MAP4: variants seen among roughly 807,000 people sequenced by gnomAD.
MAP4 encodes the protein microtubule-associated protein 4.
A neutral mutation model predicts 170.2 loss-of-function variants in MAP4; 76 were observed. The ratio of observed to expected loss-of-function variants is 0.45; its 90% CI spans 0.37 to 0.54. MAP4 has a LOEUF of 0.54. Among genes scored for constraint, MAP4 ranks in the 20% least tolerant of loss-of-function variants. The pLI, the probability that MAP4 is intolerant of heterozygous loss-of-function variation, is 0.00. For synonymous variants in MAP4, 909 were observed against 994.5 expected, an observed-to-expected ratio of 0.91 and a Z score of 1.62; for missense variants, 2,506 against 2,748.0, an observed-to-expected ratio of 0.91 and a Z score of 1.97.
intron 17 of MAP4, among the ~76,000 whole-genome samples, chr3:47,857,836 G>A (rs1189124579): frequency 1.3e-5 from 2 of 151,778 alleles, no homozygotes; most frequent in Non-Finnish European, 2.9e-5. Context: ...AGCCTCCCGA[G>A]TAGCTGGGAT....
chr3:47,897,953 A>AGGGGG (rs1458083692), intron 10 of MAP4, among the ~76,000 whole-genome samples: 14 of 149,410 alleles, frequency 9.4e-5, no homozygotes, highest in African/African-American at 3.3e-4. Context: ...GGGGGGGGAA[A>AGGGGG]AAAAAAAAAG....
At chr3:47,929,726 C>A (rs1236994767) in intron 3 of MAP4, among the ~76,000 whole-genome samples, 6 of 145,832 alleles carry the variant, frequency 4.1e-5, no homozygotes, top group Non-Finnish European at 7.5e-5. Context: ...ATCTTTGTGA[C>A]TTTGGATTAG....
intron 10 of MAP4, chr3:47,891,189 T>A: frequency 6.5e-7 from 1 of 1,536,190 alleles, no homozygotes; most frequent in Non-Finnish European, 8.7e-7. Context: ...TCCTGCCCTT[T>A]TTCCTTGCTG....
chr3:47,994,509 G>T (rs180703093), intron 2 of MAP4, among the ~76,000 whole-genome samples: 2 of 152,192 alleles, frequency 1.3e-5, no homozygotes, highest in Admixed American at 1.3e-4. Flanking sequence ...ATCTGGGAAT[G>T]AGCCTAGGTG....
rs780753562 is a variant in MAP4 at position 47,871,010 on chromosome 3, G to A, written c.6097C>T (p.Arg2033Ter). ...TAPAAGVVPS[R>*]VKATPMPSRP... is the part of the protein sequence containing the mutation. ...GAGGGCATGGGTGTGGCCTTGACTC[G>A]GCTGGGAACCACCCCTGCAGCGGGG... The change falls in exon 15 of 21, where the codon CGA becomes TGA. Residue 2033 changes from arginine (R) to a stop codon, truncating the protein, a stop_gained. Coordinates refer to ENST00000683076, the MANE Select transcript of MAP4 (RefSeq NM_001385682.1). LOFTEE classifies it high-confidence loss of function. The A allele has an allele frequency of 1.2e-6, 2 of 1,614,114 alleles. No individual in the cohort carries two copies. Among genetic ancestry groups the A allele is most frequent in the African/African-American group, 1.3e-5 (1 of 75,054 alleles).
intron 10 of MAP4, among the ~76,000 whole-genome samples, chr3:47,896,549 AC>A (rs925145328): frequency 3.9e-5 from 6 of 152,138 alleles, no homozygotes; most frequent in Non-Finnish European, 7.3e-5. Context: ...AAACAAAAAA[AC>A]AACCAAGAAA....
chr3:47,959,607 A>T (rs1362918368), intron 3 of MAP4, among the ~76,000 whole-genome samples: 3 of 151,520 alleles, frequency 2.0e-5, no homozygotes, highest in Non-Finnish European at 2.9e-5. Flanking sequence ...ATACAAAAAG[A>T]AATTAGCCGG....
intron 10 of MAP4, among the ~76,000 whole-genome samples, chr3:47,888,131 G>T (rs2097919632): frequency 6.6e-6 from 1 of 152,152 alleles, no homozygotes; most frequent in Non-Finnish European, 1.5e-5. Context: ...TAATCTGATG[G>T]GGACACGGAG....
At chr3:47,860,320 G>A (rs1176106289) in intron 17 of MAP4, among the ~76,000 whole-genome samples, 8 of 152,202 alleles carry the variant, frequency 5.3e-5, no homozygotes, top group African/African-American at 1.9e-4. Context: ...AGCCCCTCAA[G>A]TGGCTGAGAC....
At chr3:48,006,683 C>T (rs752791627) in intron 1 of MAP4, among the ~76,000 whole-genome samples, 5 of 152,190 alleles carry the variant, frequency 3.3e-5, no homozygotes, top group African/African-American at 1.2e-4. Context: ...GGAAGGTATG[C>T]AGAGATCAGT....
chr3:47,991,193 C>G lies in MAP4; in HGVS notation c.223+7445G>C, dbSNP rs959642237. On this transcript the variant is annotated intron_variant, in intron 2 of 20. Transcript: ENST00000683076. ...CCATAAAAGCAACCCTGCTTTCTTA[C>G]TTCTCATTTTATAAGTTGAAGACAA... is the stretch of plus-strand genomic sequence containing the variant. Among the ~76,000 whole-genome samples, 3 of 152,146 alleles carry G rather than the reference C, an allele frequency of 2.0e-5. No homozygotes were observed. The East Asian group carries it at 5.8e-4, about 29-fold the overall frequency.
chr3:47,854,485 C>G (rs1238256906), intron 19 of MAP4, among the ~76,000 whole-genome samples: 2 of 152,206 alleles, frequency 1.3e-5, no homozygotes, highest in African/African-American at 2.4e-5. Context: ...CCCCTCTCCC[C>G]TGCGCACCTG....
At chr3:47,920,267 G>T (rs963643048) in intron 5 of MAP4, among the ~76,000 whole-genome samples, 5 of 136,252 alleles carry the variant, frequency 3.7e-5, no homozygotes, top group Non-Finnish European at 6.4e-5. Context: ...CACCACACTC[G>T]GCCTAATTTT....
rs934733921 is a variant in MAP4 at position 47,973,547 on chromosome 3, T to G, written c.292+4318A>C. On this transcript the variant is annotated intron_variant, in intron 3 of 20. Transcript: ENST00000683076. ...TTAGTAGAAAATTTCAACAATTCTG[T>G]AAGTTCAAAAAGGAAACATATTTGA... is the stretch of plus-strand genomic sequence containing the variant. The G allele has an allele frequency of 1.4e-5, 14 of 984,712 alleles. No individual in the cohort carries two copies. In the African/African-American group the frequency reaches 2.4e-4, roughly 17 times the overall value. 61.0% of individuals were successfully genotyped at this position (984,712 alleles called of 1,614,324 possible).
At chr3:47,968,632 GAAT>G (rs1661493759) in intron 3 of MAP4, among the ~76,000 whole-genome samples, 1 of 151,660 alleles carries the variant, frequency 6.6e-6, no homozygotes, top group African/African-American at 2.4e-5. Context: ...TATATTAAAA[GAAT>G]AAAATAAAAT....
chr3:47,866,592 A>G (rs2080695713), intron 17 of MAP4, among the ~76,000 whole-genome samples: 1 of 151,586 alleles, frequency 6.6e-6, no homozygotes, highest in Admixed American at 6.6e-5. Context: ...CGTCTCTACT[A>G]AAAATACAAA....
chr3:48,038,352 T>C (rs2100119884), intron 1 of MAP4, among the ~76,000 whole-genome samples: 1 of 151,614 alleles, frequency 6.6e-6, no homozygotes, highest in East Asian at 1.9e-4. Context: ...TCACCATCCA[T>C]GGCAAAAAAA....
At chr3:47,932,600 A>G (rs868197841) in intron 3 of MAP4, among the ~76,000 whole-genome samples, 10 of 152,140 alleles carry the variant, frequency 6.6e-5, no homozygotes, top group Non-Finnish European at 1.2e-4. Context: ...ATCTTTTTTT[A>G]TCGTAGTCAC....
intron 1 of MAP4, among the ~76,000 whole-genome samples, chr3:48,031,558 A>C (rs1207834722): frequency 2.6e-5 from 4 of 152,052 alleles, no homozygotes; most frequent in Non-Finnish European, 4.4e-5. Flanking sequence ...CTCAAAAAAA[A>C]ACAAAAAAAC....
Sources: gnomAD v4.1 joint callset for allele counts (sites outside exome capture counted in the v4.1 genomes callset) on GRCh38, gnomAD v4.1.1 for gene constraint, MANE v1.5 for transcripts, NCBI Gene and HGNC (gene_info 2026-07-23, HGNC 2026-07-21) for gene names.